The following ITPA variants were observed in gnomAD, a reference collection of about 807,000 sequenced individuals.
ITPA encodes the protein inosine triphosphatase, also known as inosine triphosphate pyrophosphatase.
Under a neutral mutation model 29.6 loss-of-function variants are expected in ITPA, and 29 were observed. That is an observed-to-expected ratio of 0.98 (90% CI 0.73 to 1.34). ITPA has a LOEUF of 1.34. Among genes scored for constraint, ITPA ranks in the 40% most tolerant of loss-of-function variants. The pLI, the probability that ITPA is intolerant of heterozygous loss-of-function variation, is 0.00. For missense variants in ITPA, 241 were observed against 251.5 expected (o/e 0.96, Z 0.28); for synonymous variants, 103 against 99.3 (o/e 1.04, Z -0.22).
chr20:3,214,165 A>G, intron 4 of ITPA, 107 bp downstream of exon 4: 1 of 950,636 alleles, frequency 1.1e-6, no homozygotes. Context: ...CTTAGCATCA[A>G]CAGCCTTTCA....
At chr20:3,213,270 C>T in intron 2 of ITPA, 44 bp downstream of exon 2, 3 of 1,614,188 alleles carry the variant, frequency 1.9e-6, no homozygotes, top group Non-Finnish European at 2.5e-6. Flanking sequence ...GGTTGGATTT[C>T]TCTGTCTTCC....
At chr20:3,204,290 C>T (rs2067055492), upstream of ITPA, among the ~76,000 whole-genome samples, 1 of 152,132 alleles carries the variant, frequency 6.6e-6, no homozygotes, top group African/African-American at 2.4e-5. Context: ...GTATGGAGTT[C>T]CCGGGGGTGA....
chr20:3,219,761 A>G (rs970221902), intron 6 of ITPA, among the ~76,000 whole-genome samples: 9 of 151,358 alleles, frequency 5.9e-5, no homozygotes, highest in African/African-American at 2.2e-4. Context: ...AAAAAAAAAA[A>G]AGAGGCTGAG....
chr20:3,227,144 G>A (rs1005033845), downstream of ITPA, among the ~76,000 whole-genome samples: 4 of 152,216 alleles, frequency 2.6e-5, no homozygotes, highest in Admixed American at 1.3e-4. Flanking sequence ...CAGCCACAGC[G>A]CCTCAGTGGC....
intron 1 of ITPA, among the ~76,000 whole-genome samples, chr20:3,212,664 T>G (rs1437583841): frequency 2.6e-5 from 4 of 152,200 alleles, no homozygotes; most frequent in Admixed American, 2.6e-4. Context: ...TTGAGATATC[T>G]GCAGCAATTG....
intron 6 of ITPA, 100 bp downstream of exon 6, chr20:3,218,732 G>C (rs1318688786): frequency 2.5e-6 from 2 of 804,292 alleles, no homozygotes; most frequent in Non-Finnish European, 4.2e-6. Context: ...TGGGAGGGGC[G>C]CCTTGGGGCC....
At chr20:3,213,894 C>G in intron 3 of ITPA, 91 bp from the exon 4 acceptor site, 1 of 1,323,704 alleles carries the variant, frequency 7.6e-7, no homozygotes, top group South Asian at 1.2e-5. Context: ...TAGCTGAGGG[C>G]TGGCCCCAGC....
In ITPA at chr20:3,218,642, C is replaced by T; in HGVS notation, c.411+10C>T. On this transcript the variant is annotated intron_variant, in intron 6 of 7. Coordinates refer to ENST00000380113, the MANE Select transcript of ITPA (RefSeq NM_033453.4). ...CAGGGGCCGGACCTCGGTGCGTACC[C>T]ACCTTGATGCAGTTCCCGCCGCGCG... is the stretch of plus-strand genomic sequence containing the variant. 6.3e-7 allele frequency: 1 copy of T among 1,597,302 alleles called. No individual in the cohort carries two copies. The highest frequency in any genetic ancestry group is 8.6e-7 in the Non-Finnish European group (1 of 1,165,658).
intron 7 of ITPA, among the ~76,000 whole-genome samples, chr20:3,222,942 C>A (rs1476068222): frequency 6.6e-6 from 1 of 152,224 alleles, no homozygotes; most frequent in South Asian, 2.1e-4. Flanking sequence ...CACCTCACTG[C>A]GGTGCTGGCA....
In ITPA at chr20:3,221,180, C is replaced by T. The variant is rs1414712812; in HGVS notation, c.412-661C>T. ...GTCCTGGGATTACAGGCATGAGCCA[C>T]CGCGCCTGGCCAGATTTTCTTTTTC... On this transcript the variant is annotated intron_variant, in intron 6 of 7. Transcript: ENST00000380113. Among the ~76,000 whole-genome samples, 5 of 151,956 alleles carry T rather than the reference C, an allele frequency of 3.3e-5. No homozygotes were observed. In the East Asian group the frequency reaches 9.6e-4, roughly 29 times the overall value.
upstream of ITPA, among the ~76,000 whole-genome samples, chr20:3,207,673 G>A (rs185420191): frequency 2.2e-5 from 3 of 137,554 alleles, no homozygotes; most frequent in East Asian, 2.2e-4. Context: ...AAGCCTGGGC[G>A]ACAAGAGCAA....
Position 3,223,480 on chromosome 20 carries a change from G to T in ITPA, c.*18G>T. The T allele has an allele frequency of 6.3e-7, 1 of 1,590,402 alleles. No individual in the cohort carries two copies. The highest frequency in any genetic ancestry group is 8.6e-7 in the Non-Finnish European group (1 of 1,163,362). On this transcript the variant is annotated 3_prime_UTR_variant, in exon 8 of 8. Coordinates refer to ENST00000380113, the MANE Select transcript of ITPA (RefSeq NM_033453.4). ...CAGCTTGACTTCTGCAGCTGGAGGA[G>T]GCCCCTCAGGCCGGGGATCTGGGGA...
downstream of ITPA, among the ~76,000 whole-genome samples, chr20:3,224,373 C>G (rs150888729): frequency 2.2e-3 from 331 of 152,276 alleles, 1 homozygote; most frequent in African/African-American, 7.2e-3. Flanking sequence ...CCAGGTGGCT[C>G]CGTTGTCAGA....
intron 5 of ITPA, among the ~76,000 whole-genome samples, chr20:3,217,999 G>C (rs1167293685): frequency 6.6e-6 from 1 of 151,172 alleles, no homozygotes; most frequent in African/African-American, 2.4e-5. Context: ...CTCACTGCAA[G>C]CTCCGCCTCC....
chr20:3,211,250 C>T (rs2067166643), intron 1 of ITPA, among the ~76,000 whole-genome samples: 3 of 150,160 alleles, frequency 2.0e-5, no homozygotes, highest in Admixed American at 2.0e-4. Flanking sequence ...ACTGCAACCT[C>T]CGCCTCCTGG....
At chr20:3,209,468 T>C, upstream of ITPA, 6 of 1,306,212 alleles carry the variant, frequency 4.6e-6, no homozygotes, top group Non-Finnish European at 4.4e-6. The surrounding 1 kb of genome is among the most constrained non-coding windows in gnomAD (Gnocchi z 4.6). Context: ...AACTGAGCCG[T>C]TCACTTCCGC....
At chr20:3,213,518 G>C (rs1205550785) in intron 3 of ITPA, 135 bp downstream of exon 3, 11 of 1,040,078 alleles carry the variant, frequency 1.1e-5, no homozygotes, top group African/African-American at 3.2e-5. Context: ...CTAGGGTTCA[G>C]TTAATATTGG....
chr20:3,222,253 A>C (rs1252604326), intron 7 of ITPA, among the ~76,000 whole-genome samples: 4 of 131,494 alleles, frequency 3.0e-5, no homozygotes, highest in African/African-American at 5.9e-5. Context: ...ATGGAGTTTC[A>C]CTCTTGTTGC....
chr20:3,208,490 A>G (rs1043649036), upstream of ITPA, among the ~76,000 whole-genome samples: 1 of 152,102 alleles, frequency 6.6e-6, no homozygotes, highest in African/African-American at 2.4e-5. Flanking sequence ...ATTCTCCTGA[A>G]TCCTGAATTC....
Sources: allele counts gnomAD v4.1 joint callset (sites outside exome capture counted in the v4.1 genomes callset), GRCh38; gene constraint gnomAD v4.1.1; non-coding constraint Gnocchi (gnomAD v3.1); transcripts MANE v1.5; gene names NCBI Gene and HGNC (gene_info 2026-07-23, HGNC 2026-07-21).